The following DDB1 variants were observed in gnomAD, a reference collection of about 807,000 sequenced individuals.
The protein encoded by DDB1 is damage specific DNA binding protein 1.
DDB1 carries 18 observed loss-of-function variants against 133.1 expected under a neutral mutation model. The observed-to-expected ratio is 0.14, with a 90% CI of 0.09 to 0.20. The LOEUF is 0.20. Among genes scored for constraint, DDB1 ranks in the 10% least tolerant of loss-of-function variants. The pLI, the probability that DDB1 is intolerant of heterozygous loss-of-function variation, is 1.00. For missense variants in DDB1, 828 were observed against 1,459.2 expected, an observed-to-expected ratio of 0.57 and a Z score of 7.05; for synonymous variants, 580 against 550.5, an observed-to-expected ratio of 1.05 and a Z score of -0.75.
At chr11:61,307,513 T>A (rs1468285505) in intron 21 of DDB1, among the ~76,000 whole-genome samples, 1 of 152,234 alleles carries the variant, frequency 6.6e-6, no homozygotes, top group Non-Finnish European at 1.5e-5. Context: ...TCACCCTTTG[T>A]TTGGCTGGAT....
In DDB1 at chr11:61,309,776, T is replaced by C. The variant is rs750146956; in HGVS notation, c.2566+20A>G. On this transcript the variant is annotated intron_variant, in intron 20 of 26. Coordinates refer to ENST00000301764, the MANE Select transcript of DDB1 (RefSeq NM_001923.5). ...TCAGCATTTCACATCCCTCAGAAAC[T>C]GGAGACTGCGCCCACTTACCATCCG... is the stretch of plus-strand genomic sequence containing the variant. 8 of 1,604,460 alleles carry C rather than the reference T, an allele frequency of 5.0e-6. No individual in the cohort carries two copies. In the East Asian group the frequency reaches 1.6e-4, roughly 31 times the overall value.
intron 24 of DDB1, 53 bp downstream of exon 24, chr11:61,302,529 T>C: frequency 6.2e-7 from 1 of 1,608,132 alleles, no homozygotes; most frequent in Non-Finnish European, 8.5e-7. Flanking sequence ...CTCAGAATGC[T>C]GGTATCAGGA....
intron 9 of DDB1, 82 bp downstream of exon 9, chr11:61,322,214 T>C: frequency 9.1e-7 from 1 of 1,099,362 alleles, no homozygotes; most frequent in East Asian, 2.4e-5. Flanking sequence ...CAGTGCACCC[T>C]CCCCATTCTA....
chr11:61,309,947 G>A lies in DDB1; in HGVS notation c.2415C>T (p.His805=), dbSNP rs1360514771. The change falls in exon 20 of 27, where the codon CAC becomes CAT. Residue 805 remains histidine (H), a synonymous_variant. Transcript: ENST00000301764. ...GGGCATATTCATTCTGCAGAAACTGGTGGGCATGAAGCACTAGAGAGTAGA... is the reference window on the plus strand; with the variant it reads ...GGGCATATTCATTCTGCAGAAACTGATGGGCATGAAGCACTAGAGAGTAGA... ...DQHTFEVLHA[H]QFLQNEYALS... 1.2e-6 allele frequency: 2 copies of A among 1,614,214 alleles called. No individual in the cohort carries two copies. Among genetic ancestry groups the A allele is most frequent in the Non-Finnish European group, 1.7e-6 (2 of 1,180,036 alleles).
chr11:61,308,502 G>A (rs994038290), intron 21 of DDB1, among the ~76,000 whole-genome samples: 1 of 152,082 alleles, frequency 6.6e-6, no homozygotes, highest in Non-Finnish European at 1.5e-5. Context: ...TGTCCATTTT[G>A]TTTGCTGCTA....
chr11:61,319,454 A>AT (rs1196044512), intron 10 of DDB1, among the ~76,000 whole-genome samples: 1 of 149,574 alleles, frequency 6.7e-6, no homozygotes, highest in Non-Finnish European at 1.5e-5. Context: ...TTTTTTTGAG[A>AT]TGGAGTCTTG....
In DDB1 at chr11:61,309,964, G is replaced by C. The variant is rs772295890; in HGVS notation, c.2402-4C>G. On this transcript the variant is annotated splice_region_variant and splice_polypyrimidine_tract_variant and intron_variant, in intron 19 of 26. Coordinates refer to ENST00000301764, the MANE Select transcript of DDB1 (RefSeq NM_001923.5). ...AGAAACTGGTGGGCATGAAGCACTA[G>C]AGAGTAGAGAGATGACTACGTGATG... The C allele has an allele frequency of 5.0e-6, 8 of 1,614,096 alleles. No homozygotes were observed. The African/African-American group carries it at 9.3e-5, about 19-fold the overall frequency.
Position 61,324,019 on chromosome 11 carries a change from G to A in DDB1, c.881C>T (p.Thr294Ile). Residue 294 changes from threonine (T) to isoleucine (I), a missense_variant, in exon 7 of 27, where the codon ACC (threonine) becomes ATC (isoleucine). Coordinates refer to ENST00000301764, the MANE Select transcript of DDB1 (RefSeq NM_001923.5). ...LLEKEEQMDG[T>I]VTLKDLRVEL... ...TACACGGAGATCCTTGAGAGTGACG[G>A]TGCCATCCATCTGTTCCTCCTTCTC... 3 of 1,613,742 alleles carry A rather than the reference G, an allele frequency of 1.9e-6. No individual in the cohort carries two copies. Among genetic ancestry groups the A allele is most frequent in the Non-Finnish European group, 2.5e-6 (3 of 1,179,870 alleles).
chr11:61,323,615 A>T, intron 7 of DDB1: 1 of 252,384 alleles, frequency 4.0e-6, no homozygotes, highest in Non-Finnish European at 7.8e-6. Flanking sequence ...GTTTTGCCAT[A>T]TTGCCCAGGC....
chr11:61,302,892 G>A, intron 23 of DDB1, 141 bp from the exon 24 acceptor site: 1 of 1,295,964 alleles, frequency 7.7e-7, no homozygotes, highest in Non-Finnish European at 1.1e-6. Context: ...GTCTAAAGAG[G>A]TGGATTTCTG....
At chr11:61,317,623 C>T (rs1856113526) in intron 10 of DDB1, among the ~76,000 whole-genome samples, 1 of 152,156 alleles carries the variant, frequency 6.6e-6, no homozygotes, top group Admixed American at 6.5e-5. Flanking sequence ...TCTCCTGCCT[C>T]AGCCTCCTGA....
intron 25 of DDB1, 129 bp downstream of exon 25, chr11:61,302,118 CAAAAACAAAA>C: frequency 1.4e-6 from 1 of 715,658 alleles, no homozygotes; most frequent in South Asian, 1.8e-5. Context: ...ATGAAAAAGT[CAAAAACAAAA>C]CAAAACAAAA....
chr11:61,309,679 C>G (rs1824425384), intron 20 of DDB1, 117 bp downstream of exon 20: 1 of 1,051,596 alleles, frequency 9.5e-7, no homozygotes, highest in East Asian at 2.4e-5. Context: ...TAGCTCTTTA[C>G]AGCAATGAAC....
At position 61,310,100 on chromosome 11, in the gene DDB1, T is replaced by A. The variant is rs28720328; in HGVS notation, c.2402-140A>T. 5.5e-4 allele frequency: 769 copies of A among 1,388,382 alleles called. 4 individuals carry two copies. In the African/African-American group the frequency reaches 9.8e-3, roughly 18 times the overall value. The allele number at this position is 1,388,382 out of a possible 1,614,324, so 86.0% of individuals were successfully genotyped here. Reference sequence around the variant, plus strand: ...TGTCCCTGTCTCATCAGATTATCCATCCCCCACCAGCCTAAGCTAAGGAGA... The same window carrying A: ...TGTCCCTGTCTCATCAGATTATCCAACCCCCACCAGCCTAAGCTAAGGAGA... On this transcript the variant is annotated intron_variant, in intron 19 of 26. Transcript: ENST00000301764.
Position 61,313,705 on chromosome 11 carries a change from A to G in DDB1, c.1863T>C (p.Gly621=). Reference sequence around the variant, plus strand: ...TCACCTTCTTACGGTCGCTCAACAGACCTACAGAGAGAATGACATCAGGAG... The same window carrying G: ...TCACCTTCTTACGGTCGCTCAACAGGCCTACAGAGAGAATGACATCAGGAG... ...LFYFGLNIET[G]LLSDRKKVTL... The change falls in exon 16 of 27, where the codon GGT becomes GGC. Residue 621 remains glycine (G), a splice_region_variant and synonymous_variant. Transcript: ENST00000301764. The G allele has an allele frequency of 1.2e-6, 2 of 1,604,438 alleles. No homozygotes were observed. Among genetic ancestry groups the G allele is most frequent in the South Asian group, 2.2e-5 (2 of 90,080 alleles).
chr11:61,333,082 C>T lies in DDB1; in HGVS notation c.-114G>A, dbSNP rs1396531569. The T allele has an allele frequency of 9.0e-6, 9 of 1,004,770 alleles. No individual in the cohort carries two copies. Among genetic ancestry groups the T allele is most frequent in the Non-Finnish European group, 9.6e-6 (7 of 726,530 alleles). The allele number at this position is 1,004,770 out of a possible 1,614,324, so 62.2% of individuals were successfully genotyped here. ...CAGCGAACTCCACTGCCGCTGCCTC[C>T]GCCCCAGAGACACGTTGCAGGCCAG... On this transcript the variant is annotated 5_prime_UTR_variant, in exon 1 of 27. Transcript: ENST00000301764.
intron 7 of DDB1, chr11:61,323,498 A>T: frequency 4.2e-6 from 1 of 239,144 alleles, no homozygotes. Flanking sequence ...TGCAACATCG[A>T]CCTCCCCGGG....
Position 61,316,527 on chromosome 11 carries a change from A to C in DDB1, c.1266T>G (p.Asp422Glu). Reference protein sequence around the residue: ...PLRSDPNRETDDTLVLSFVGQ... With the variant: ...PLRSDPNRETEDTLVLSFVGQ... ...CCACAAAAGAGAGCACCAAAGTGTC[A>C]TCAGTCTCACGATTAGGGTCAGACC... Residue 422 changes from aspartate (D) to glutamate (E), a missense_variant, in exon 11 of 27, where the codon GAT becomes GAG. Asp to Glu is a conservative substitution (Grantham distance 45, BLOSUM62 2). This residue lies in a region of DDB1 where 396 missense variants were observed against 554.1 expected (regional missense o/e 0.71). Coordinates refer to ENST00000301764, the MANE Select transcript of DDB1 (RefSeq NM_001923.5). The C allele has an allele frequency of 6.2e-7, 1 of 1,614,182 alleles. No individual in the cohort carries two copies. The highest frequency in any genetic ancestry group is 8.5e-7 in the Non-Finnish European group (1 of 1,180,026).
At chr11:61,321,401 ATTTTC>A (rs969730095) in intron 10 of DDB1, 189 bp downstream of exon 10, 1 of 503,954 alleles carries the variant, frequency 2.0e-6, no homozygotes, top group African/African-American at 2.5e-5. Context: ...GATCAGTAGT[ATTTTC>A]TTTTTTTTTT....
Sources: gnomAD v4.1 joint callset for allele counts (sites outside exome capture counted in the v4.1 genomes callset) on GRCh38, gnomAD v4.1.1 for gene constraint, gnomAD v4.1.1 regional missense constraint, MANE v1.5 for transcripts, NCBI Gene and HGNC (gene_info 2026-07-23, HGNC 2026-07-21) for gene names.